FYN: variants seen among roughly 807,000 people sequenced by gnomAD.
The protein encoded by FYN is FYN proto-oncogene, Src family tyrosine kinase, also known as tyrosine-protein kinase Fyn.
Under a neutral mutation model 70.2 loss-of-function variants are expected in FYN, and 10 were observed. The observed-to-expected ratio is 0.14, with a 90% confidence interval of 0.09 to 0.24. FYN has a LOEUF of 0.24. Among genes scored for constraint, FYN ranks in the 10% least tolerant of loss-of-function variants. FYN has a pLI of 1.00. For synonymous variants in FYN, 236 were observed against 248.6 expected (o/e 0.95, Z 0.48); for missense variants, 319 against 673.1 (o/e 0.47, Z 5.82).
At position 111,839,554 on chromosome 6, in the gene FYN, C is replaced by G. The variant is rs557490873; in HGVS notation, c.-82+7035G>C. On this transcript the variant is annotated intron_variant, in intron 2 of 13. Coordinates refer to ENST00000354650, the MANE Select transcript of FYN (RefSeq NM_002037.5). The stretch of plus-strand genomic sequence containing the variant: ...AAGGAGACCTGATAGTAACCTCTTA[C>G]TCTACACTGGTCAAACCATCTTGTA... Among the ~76,000 whole-genome samples the G allele has an allele frequency of 1.6e-4, 24 of 152,104 alleles. No individual in the cohort carries two copies. The East Asian group carries it at 4.5e-3, about 28-fold the overall frequency.
intron 6 of FYN, among the ~76,000 whole-genome samples, chr6:111,707,039 G>A (rs1002212806): frequency 2.6e-5 from 4 of 152,192 alleles, no homozygotes; most frequent in African/African-American, 7.2e-5. Flanking sequence ...AATCCCTCTT[G>A]CACTACTTAA....
intron 13 of FYN, among the ~76,000 whole-genome samples, chr6:111,662,810 TGC>T (rs1310895816): frequency 2.0e-5 from 3 of 152,216 alleles, no homozygotes; most frequent in Non-Finnish European, 4.4e-5. Context: ...AACCCCACAG[TGC>T]CCTGAGGTTT....
intron 2 of FYN, among the ~76,000 whole-genome samples, chr6:111,820,677 A>G (rs771794591): frequency 1.2e-4 from 19 of 152,208 alleles, no homozygotes; most frequent in Non-Finnish European, 2.5e-4. Context: ...AGGTACGTAT[A>G]GACAAGGGAA....
intron 2 of FYN, among the ~76,000 whole-genome samples, chr6:111,787,530 C>G (rs1054259013): frequency 2.6e-5 from 4 of 152,150 alleles, no homozygotes; most frequent in African/African-American, 9.7e-5. Context: ...GATTTTAACT[C>G]AAGACCCAGC....
intron 3 of FYN, among the ~76,000 whole-genome samples, chr6:111,722,460 T>C (rs1425303619): frequency 6.6e-6 from 1 of 152,234 alleles, no homozygotes; most frequent in Non-Finnish European, 1.5e-5. Context: ...CATATAATAT[T>C]AACTCTTTCG....
intron 4 of FYN, 47 bp downstream of exon 4, chr6:111,719,758 T>G: frequency 6.3e-7 from 1 of 1,590,262 alleles, no homozygotes; most frequent in Non-Finnish European, 8.6e-7. Context: ...CCAAAAGATT[T>G]AAGGGTGGCT....
chr6:111,769,686 T>C (rs1181800981), intron 3 of FYN, among the ~76,000 whole-genome samples: 1 of 152,128 alleles, frequency 6.6e-6, no homozygotes, highest in Non-Finnish European at 1.5e-5. Flanking sequence ...GTAAATATTT[T>C]ATGAATCCAT....
chr6:111,865,540 G>A lies in FYN; in HGVS notation c.-123+7428C>T, dbSNP rs1033530902. ...AGTCCACAGTGTCACTTATTCCTAAGTTGTCTATATTGCATGTCACCCAAG... is the reference window on the plus strand; with the variant it reads ...AGTCCACAGTGTCACTTATTCCTAAATTGTCTATATTGCATGTCACCCAAG... On this transcript the variant is annotated intron_variant, in intron 1 of 13. Coordinates refer to ENST00000354650, the MANE Select transcript of FYN (RefSeq NM_002037.5). 5.9e-5 allele frequency among the ~76,000 whole-genome samples: 9 copies of A among 152,132 alleles called. 1 individual carries two copies. The highest frequency in any genetic ancestry group is 2.1e-4 in the South Asian group (1 of 4,822).
intron 3 of FYN, among the ~76,000 whole-genome samples, chr6:111,743,763 G>T (rs988769133): frequency 6.6e-6 from 1 of 152,218 alleles, no homozygotes; most frequent in Admixed American, 6.5e-5. Flanking sequence ...ACACAATTAT[G>T]AATATGTTTA....
chr6:111,674,695 G>C, intron 12 of FYN, 65 bp from the exon 13 acceptor site: 1 of 1,544,826 alleles, frequency 6.5e-7, no homozygotes, highest in South Asian at 1.2e-5. Flanking sequence ...GGGTGTGGGA[G>C]GGAAAGGCAC....
intron 12 of FYN, among the ~76,000 whole-genome samples, chr6:111,690,934 T>G (rs890984712): frequency 2.6e-5 from 4 of 152,210 alleles, no homozygotes; most frequent in South Asian, 2.1e-4. Flanking sequence ...TAGCTCCTAG[T>G]AAAGTCCTTT....
At chr6:111,710,114 C>T (rs1399658578) in intron 5 of FYN, among the ~76,000 whole-genome samples, 1 of 152,192 alleles carries the variant, frequency 6.6e-6, no homozygotes, top group Non-Finnish European at 1.5e-5. Context: ...GCTCCTCCCC[C>T]TCCACCCTCT....
intron 3 of FYN, among the ~76,000 whole-genome samples, chr6:111,773,471 G>A (rs1303330571): frequency 2.4e-5 from 2 of 83,992 alleles, no homozygotes; most frequent in Non-Finnish European, 4.7e-5. Flanking sequence ...GTGGGAAAGG[G>A]AAAACGAGAG....
chr6:111,692,262 A>G (rs1253449320), intron 12 of FYN, among the ~76,000 whole-genome samples: 2 of 152,240 alleles, frequency 1.3e-5, no homozygotes, highest in African/African-American at 2.4e-5. Flanking sequence ...AAGGAAACGC[A>G]GTACAAAGGC....
chr6:111,689,768 G>A (rs1421506075), intron 12 of FYN, among the ~76,000 whole-genome samples: 1 of 152,114 alleles, frequency 6.6e-6, no homozygotes, highest in Non-Finnish European at 1.5e-5. Context: ...CTATTTGTGG[G>A]GGTGGTTACT....
At chr6:111,746,217 T>C (rs1802208010) in intron 3 of FYN, among the ~76,000 whole-genome samples, 1 of 152,234 alleles carries the variant, frequency 6.6e-6, no homozygotes, top group South Asian at 2.1e-4. Context: ...TAAACAGATT[T>C]AAGTTTACAG....
At chr6:111,785,200 C>G (rs1771318943) in intron 2 of FYN, among the ~76,000 whole-genome samples, 1 of 152,198 alleles carries the variant, frequency 6.6e-6, no homozygotes, top group Non-Finnish European at 1.5e-5. Flanking sequence ...TATCTCTTTC[C>G]TGGTACATAC....
intron 13 of FYN, among the ~76,000 whole-genome samples, chr6:111,667,938 A>T (rs1257205189): frequency 1.3e-5 from 2 of 152,186 alleles, no homozygotes; most frequent in African/African-American, 4.8e-5. Context: ...TAACAATGGG[A>T]ATGATGTTTA....
At chr6:111,808,741 C>T (rs1044484854) in intron 2 of FYN, among the ~76,000 whole-genome samples, 5 of 152,200 alleles carry the variant, frequency 3.3e-5, no homozygotes, top group Non-Finnish European at 7.3e-5. Context: ...ACCATCATCA[C>T]ACAGGACAGC....
Sources: gnomAD v4.1 joint callset for allele counts (sites outside exome capture counted in the v4.1 genomes callset) on GRCh38, gnomAD v4.1.1 for gene constraint, MANE v1.5 for transcripts, NCBI Gene and HGNC (gene_info 2026-07-23, HGNC 2026-07-21) for gene names.